ITGBL1: variants seen among roughly 807,000 people sequenced by gnomAD.
ITGBL1 encodes the protein integrin subunit beta like 1.
Under a neutral mutation model 68.5 loss-of-function variants are expected in ITGBL1, and 51 were observed. That is an observed-to-expected ratio of 0.74 (90% confidence interval 0.59 to 0.94). The LOEUF (loss-of-function observed/expected upper bound fraction) is 0.94, where lower values mean the gene tolerates loss of function less well. Ranked by LOEUF, ITGBL1 falls within the 40% of genes least tolerant of loss-of-function variation. The pLI, the probability that ITGBL1 is intolerant of heterozygous loss-of-function variation, is 0.00. For synonymous variants in ITGBL1, 209 were observed against 227.3 expected, an observed-to-expected ratio of 0.92 and a Z score of 0.72; for missense variants, 649 against 647.4, an observed-to-expected ratio of 1.00 and a Z score of -0.03.
chr13:101,597,419 C>CA (rs35737952), intron 6 of ITGBL1, among the ~76,000 whole-genome samples: 4 of 127,248 alleles, frequency 3.1e-5, no homozygotes, highest in African/African-American at 1.2e-4. Flanking sequence ...GTCTAAAAAG[C>CA]AAAAAAAAAA....
intron 7 of ITGBL1, among the ~76,000 whole-genome samples, chr13:101,676,643 A>G (rs949603823): frequency 3.9e-5 from 6 of 152,138 alleles, no homozygotes; most frequent in Non-Finnish European, 8.8e-5. Flanking sequence ...TTTCTCTAGT[A>G]TCTTGGCCAC....
At chr13:101,625,499 C>T (rs2031738637) in intron 7 of ITGBL1, among the ~76,000 whole-genome samples, 1 of 152,042 alleles carries the variant, frequency 6.6e-6, no homozygotes, top group Non-Finnish European at 1.5e-5. Flanking sequence ...AACTACACTG[C>T]ACTGCAAGGG....
chr13:101,605,794 A>ATGTT (rs151329665), intron 7 of ITGBL1, among the ~76,000 whole-genome samples: 1 of 150,588 alleles, frequency 6.6e-6, no homozygotes, highest in Non-Finnish European at 1.5e-5. Flanking sequence ...ATGTGCGTAT[A>ATGTT]TGTACTCGTG....
At chr13:101,598,336 C>T (rs1594916332) in intron 7 of ITGBL1, 37 bp downstream of exon 7, 17 of 1,467,320 alleles carry the variant, frequency 1.2e-5, no homozygotes, top group East Asian at 2.5e-5. Flanking sequence ...ACGGCCTCTC[C>T]ATCACAATTC....
intron 7 of ITGBL1, among the ~76,000 whole-genome samples, chr13:101,688,046 AAATAAT>A (rs149368172): frequency 2.0e-5 from 3 of 152,050 alleles, no homozygotes; most frequent in Non-Finnish European, 2.9e-5. Context: ...ACAATCACTG[AAATAAT>A]AATAATAATA....
rs71121196 is a variant in ITGBL1, at chr13:101,481,085, C to CACACGCAT, written c.316+26986_316+26987insCACGCATA. The stretch of plus-strand genomic sequence containing the variant: ...ACACACACATACATATATATACACA[C>CACACGCAT]ATATATATACACACACGTGCATGTA... On this transcript the variant is annotated intron_variant, in intron 2 of 10. Coordinates refer to ENST00000376180, the MANE Select transcript of ITGBL1 (RefSeq NM_004791.3). Among the ~76,000 whole-genome samples the CACACGCAT allele has an allele frequency of 4.1e-3, 614 of 149,068 alleles. 3 individuals are homozygous for CACACGCAT. The highest frequency in any genetic ancestry group is 0.014 in the African/African-American group (552 of 40,404).
chr13:101,697,374 T>C (rs2034026566), intron 8 of ITGBL1, among the ~76,000 whole-genome samples: 1 of 152,212 alleles, frequency 6.6e-6, no homozygotes, highest in Non-Finnish European at 1.5e-5. Flanking sequence ...TTTCAAAATA[T>C]AAATTCATAA....
intron 2 of ITGBL1, among the ~76,000 whole-genome samples, chr13:101,559,466 A>G (rs562523004): frequency 1.2e-4 from 18 of 152,308 alleles, no homozygotes; most frequent in African/African-American, 4.1e-4. Flanking sequence ...GTGAAGTTCA[A>G]TAATTTACTG....
intron 6 of ITGBL1, among the ~76,000 whole-genome samples, chr13:101,595,050 G>A (rs1282970604): frequency 6.6e-6 from 1 of 152,132 alleles, no homozygotes; most frequent in Non-Finnish European, 1.5e-5. Context: ...CTCCAGCCTG[G>A]GCAATAGAGT....
chr13:101,661,292 T>G (rs2033083334), intron 7 of ITGBL1, among the ~76,000 whole-genome samples: 1 of 152,212 alleles, frequency 6.6e-6, no homozygotes, highest in Middle Eastern at 3.2e-3. Context: ...CGGAATATCT[T>G]GAAACCTAAG....
At chr13:101,706,375 C>T (rs1370559439) in intron 8 of ITGBL1, among the ~76,000 whole-genome samples, 1 of 152,104 alleles carries the variant, frequency 6.6e-6, no homozygotes, top group Non-Finnish European at 1.5e-5. Flanking sequence ...ATACTGCCAC[C>T]AGTGGTAATG....
At chr13:101,603,203 A>T (rs2030495012) in intron 7 of ITGBL1, among the ~76,000 whole-genome samples, 1 of 151,822 alleles carries the variant, frequency 6.6e-6, no homozygotes, top group African/African-American at 2.4e-5. Flanking sequence ...CAGCGTGTGG[A>T]GTTTCCAGTT....
chr13:101,551,033 G>A (rs1019179605), intron 2 of ITGBL1, among the ~76,000 whole-genome samples: 1 of 152,190 alleles, frequency 6.6e-6, no homozygotes, highest in Non-Finnish European at 1.5e-5. Flanking sequence ...CTTCTTGGAT[G>A]CACTGGGGTG....
At chr13:101,576,499 T>A (rs1231306593) in intron 4 of ITGBL1, among the ~76,000 whole-genome samples, 1 of 152,202 alleles carries the variant, frequency 6.6e-6, no homozygotes, top group Non-Finnish European at 1.5e-5. Flanking sequence ...TCTGAACTTA[T>A]ATTTCACTCC....
chr13:101,455,045 G>A (rs190341605), intron 2 of ITGBL1, among the ~76,000 whole-genome samples: 1 of 152,272 alleles, frequency 6.6e-6, no homozygotes, highest in East Asian at 1.9e-4. Flanking sequence ...GCCTCAATTA[G>A]TGCCTTGTGA....
intron 9 of ITGBL1, among the ~76,000 whole-genome samples, chr13:101,707,387 C>G (rs538730806): frequency 6.6e-6 from 1 of 151,916 alleles, no homozygotes; most frequent in Admixed American, 6.6e-5. Context: ...TGTGAGAAGA[C>G]ATAAAAGGAG....
At chr13:101,569,770 A>T (rs1007403199) in intron 3 of ITGBL1, among the ~76,000 whole-genome samples, 2 of 152,134 alleles carry the variant, frequency 1.3e-5, no homozygotes, top group Non-Finnish European at 1.5e-5. Flanking sequence ...CACTAGAGAA[A>T]TGGTTTTGTG....
rs963293523 is a variant in ITGBL1, at chr13:101,454,411, C to T, written c.316+311C>T. On this transcript the variant is annotated intron_variant, in intron 2 of 10. Coordinates refer to ENST00000376180, the MANE Select transcript of ITGBL1 (RefSeq NM_004791.3). Reference sequence around the variant, plus strand: ...TTGCCCTGGCTGGTCCCCCCCCCCCCCCCCAACTCCTGGAATCAAGCTATC... The same window carrying T: ...TTGCCCTGGCTGGTCCCCCCCCCCCTCCCCAACTCCTGGAATCAAGCTATC... 7.2e-5 allele frequency among the ~76,000 whole-genome samples: 9 copies of T among 124,886 alleles called. No homozygotes were observed. The South Asian group carries it at 8.5e-4, about 12-fold the overall frequency. The allele number at this position is 124,886 out of a possible 152,430, so 81.9% of individuals were successfully genotyped here.
intron 7 of ITGBL1, among the ~76,000 whole-genome samples, chr13:101,665,738 C>A (rs2033198009): frequency 6.6e-6 from 1 of 152,098 alleles, no homozygotes; most frequent in African/African-American, 2.4e-5. Context: ...AATGGAATCA[C>A]TTTTGTCAAA....
Sources: allele counts gnomAD v4.1 joint callset (sites outside exome capture counted in the v4.1 genomes callset), GRCh38; gene constraint gnomAD v4.1.1; transcripts MANE v1.5; gene names NCBI Gene and HGNC (gene_info 2026-07-23, HGNC 2026-07-21).